Variants in SETD7 observed in about 807,000 individuals in gnomAD.
The protein encoded by SETD7 is SET domain containing 7, histone lysine methyltransferase.
A neutral mutation model predicts 41.8 loss-of-function variants in SETD7; 16 were observed. That is an observed-to-expected ratio of 0.38 (90% confidence interval 0.26 to 0.58). The LOEUF (loss-of-function observed/expected upper bound fraction) is 0.58. Among genes scored for constraint, SETD7 ranks in the 20% least tolerant of loss-of-function variants. The pLI is 0.64. For missense variants in SETD7, 346 were observed against 459.7 expected (o/e 0.75, Z 2.26); for synonymous variants, 163 against 169.7 (o/e 0.96, Z 0.31).
At position 139,518,072 on chromosome 4, in the gene SETD7, G is replaced by A. The variant is rs573334387; in HGVS notation, c.763-30C>T. The A allele has an allele frequency of 2.4e-4, 385 of 1,599,716 alleles. 2 individuals carry two copies. In the South Asian group the frequency reaches 4.1e-3, roughly 17 times the overall value. On this transcript the variant is annotated intron_variant, in intron 6 of 7. Coordinates refer to ENST00000274031, the MANE Select transcript of SETD7 (RefSeq NM_030648.4). ...AGAAAACAAGAAAGCGAGCCTTAGA[G>A]AGGACCTTTCTCCCCAAAGGTCAAA... is the stretch of plus-strand genomic sequence containing the variant.
downstream of SETD7, among the ~76,000 whole-genome samples, chr4:139,505,815 T>A (rs1339592636): frequency 6.6e-6 from 1 of 152,210 alleles, no homozygotes; most frequent in East Asian, 1.9e-4. Flanking sequence ...TCCGACACTT[T>A]CTGTTGGTGT....
At chr4:139,533,740 G>A (rs1486431335) in intron 2 of SETD7, among the ~76,000 whole-genome samples, 1 of 152,234 alleles carries the variant, frequency 6.6e-6, no homozygotes, top group Non-Finnish European at 1.5e-5. Flanking sequence ...TCCCTCAAGA[G>A]TGCTCCAGAA....
At chr4:139,497,735 G>A (rs1726492530) in intron 7 of SETD7, among the ~76,000 whole-genome samples, 1 of 151,726 alleles carries the variant, frequency 6.6e-6, no homozygotes, top group Non-Finnish European at 1.5e-5. Flanking sequence ...GATTACAGGC[G>A]GCGCCTGCCA....
In SETD7 at chr4:139,509,860, G is replaced by A; in HGVS notation, c.*1803C>T. On this transcript the variant is annotated 3_prime_UTR_variant, in exon 8 of 8. Coordinates refer to ENST00000274031, the MANE Select transcript of SETD7 (RefSeq NM_030648.4). ...AAGCACTGACAACTTCCTCTCATGG[G>A]TGAACCATTGGCTTAAGCTTTCAAG... is the stretch of plus-strand genomic sequence containing the variant. 1.0e-6 allele frequency: 1 copy of A among 985,434 alleles called. No individual in the cohort carries two copies. Among genetic ancestry groups the A allele is most frequent in the Non-Finnish European group, 1.2e-6 (1 of 829,948 alleles). The allele number at this position is 985,434 out of a possible 1,614,324, so 61.0% of individuals were successfully genotyped here.
At position 139,517,889 on chromosome 4, in the gene SETD7, C is replaced by G. The variant is rs755336121; in HGVS notation, c.916G>C (p.Asp306His). Reference protein sequence around the residue: ...NHSFTPNCIYDMFVHPRFGPI... With the variant: ...NHSFTPNCIYHMFVHPRFGPI... Reference sequence around the variant, plus strand: ...GCAGCTCTGGGTAATACTTACATATCGTAGATGCAGTTTGGAGTGAAGGAG... The same window carrying G: ...GCAGCTCTGGGTAATACTTACATATGGTAGATGCAGTTTGGAGTGAAGGAG... The change falls in exon 7 of 8, where the codon GAT becomes CAT. Residue 306 changes from aspartate to histidine, a missense_variant. By Grantham distance (81) the Asp-to-His change is moderately conservative. Transcript: ENST00000274031. 2 of 1,612,808 alleles carry G rather than the reference C, an allele frequency of 1.2e-6. No individual in the cohort carries two copies. Among genetic ancestry groups the G allele is most frequent in the Admixed American group, 1.7e-5 (1 of 59,926 alleles).
At chr4:139,538,817 G>A (rs144763981) in intron 2 of SETD7, among the ~76,000 whole-genome samples, 2 of 152,092 alleles carry the variant, frequency 1.3e-5, no homozygotes, top group African/African-American at 4.8e-5. Flanking sequence ...GATTTTCCTG[G>A]TACCATCATC....
chr4:139,534,994 T>C (rs967907647), intron 2 of SETD7, among the ~76,000 whole-genome samples: 4 of 152,252 alleles, frequency 2.6e-5, no homozygotes. Flanking sequence ...TTATTTGTAC[T>C]ATCAATGACA....
chr4:139,528,893 GTT>G (rs1016096414), intron 4 of SETD7, 136 bp downstream of exon 4: 20 of 715,238 alleles, frequency 2.8e-5, no homozygotes, highest in Non-Finnish European at 4.7e-5. Flanking sequence ...TGCAGTGTCT[GTT>G]ATGCAATAAA....
chr4:139,500,512 T>C (rs1345259498), intron 7 of SETD7, among the ~76,000 whole-genome samples: 1 of 152,192 alleles, frequency 6.6e-6, no homozygotes, highest in African/African-American at 2.4e-5. Flanking sequence ...TTTTGTTTGT[T>C]TGTTTTGTTT....
chr4:139,496,377 G>A (rs1041388996), exon 8 of SETD7: 2 of 702,078 alleles, frequency 2.8e-6, no homozygotes, highest in African/African-American at 1.7e-5. Flanking sequence ...ACATCATTAT[G>A]AGCATCAGTC....
In SETD7 at chr4:139,555,910, C is replaced by A. The variant is rs1422710543; in HGVS notation, c.40+188G>T. Among the ~76,000 whole-genome samples the A allele has an allele frequency of 6.6e-6, 1 of 151,962 alleles. No individual in the cohort carries two copies. The highest frequency in any genetic ancestry group is 1.5e-5 in the Non-Finnish European group (1 of 67,946). Reference sequence around the variant, plus strand: ...GCCCCATTCTCGGCCTGCGCCCCGCCGCGCAGTGCGCGCTCCCGGCGGCGT... The same window carrying A: ...GCCCCATTCTCGGCCTGCGCCCCGCAGCGCAGTGCGCGCTCCCGGCGGCGT... On this transcript the variant is annotated intron_variant, in intron 1 of 7. Transcript: ENST00000274031. This position sits in a 1 kb window ranked among gnomAD's most constrained non-coding sequence, Gnocchi z 4.0.
At chr4:139,537,659 T>C (rs1727675554) in intron 2 of SETD7, among the ~76,000 whole-genome samples, 1 of 152,206 alleles carries the variant, frequency 6.6e-6, no homozygotes, top group Non-Finnish European at 1.5e-5. Context: ...TGCATCCACG[T>C]ATCCCCCCAA....
chr4:139,550,625 T>C (rs566243223), intron 1 of SETD7, among the ~76,000 whole-genome samples: 3 of 152,334 alleles, frequency 2.0e-5, no homozygotes, highest in African/African-American at 7.2e-5. Flanking sequence ...TTACATCTTC[T>C]TTCAACATTA....
In SETD7 at chr4:139,506,984, C is replaced by A. The variant is rs1045469361; in HGVS notation, c.*4679G>T. On this transcript the variant is annotated 3_prime_UTR_variant, in exon 8 of 8. Transcript: ENST00000274031. ...CTGTGCTGAGAAATGGGCCCCTTGC[C>A]AGATGCTCCCCTCTCCTTCCTCTCT... 1 of 152,688 alleles carries A rather than the reference C, an allele frequency of 6.5e-6. No individual in the cohort carries two copies. The highest frequency in any genetic ancestry group is 6.5e-5 in the Admixed American group (1 of 15,282). 9.5% of individuals were successfully genotyped at this position (152,688 alleles called of 1,614,324 possible).
intron 2 of SETD7, among the ~76,000 whole-genome samples, chr4:139,538,749 C>T (rs1280742154): frequency 6.6e-6 from 1 of 151,908 alleles, no homozygotes; most frequent in Non-Finnish European, 1.5e-5. Flanking sequence ...TTCCTTTCAA[C>T]ATCTTGGCAA....
chr4:139,501,083 C>T (rs1397930197), downstream of SETD7, among the ~76,000 whole-genome samples: 1 of 152,184 alleles, frequency 6.6e-6, no homozygotes, highest in Non-Finnish European at 1.5e-5. Flanking sequence ...GCCCTGCACA[C>T]CTCCTCACCC....
intron 1 of SETD7, among the ~76,000 whole-genome samples, chr4:139,549,871 G>A (rs1357253643): frequency 6.6e-6 from 1 of 152,018 alleles, no homozygotes; most frequent in Non-Finnish European, 1.5e-5. Flanking sequence ...TCCGCCTCCC[G>A]GGTGCAAGCA....
chr4:139,518,065 C>G, intron 6 of SETD7, 23 bp from the exon 7 acceptor site: 5 of 1,603,770 alleles, frequency 3.1e-6, no homozygotes, highest in Non-Finnish European at 2.6e-6. Context: ...AGAAAGCGAG[C>G]CTTAGAGAGG....
At chr4:139,520,805 T>TATAACTAA in intron 5 of SETD7, among the ~76,000 whole-genome samples, 2 of 152,356 alleles carry the variant, frequency 1.3e-5, no homozygotes, top group Middle Eastern at 6.8e-3. Context: ...GAAAGGAGGC[T>TATAACTAA]GTTTTAGTTA....
Sources: allele counts gnomAD v4.1 joint callset (sites outside exome capture counted in the v4.1 genomes callset), GRCh38; gene constraint gnomAD v4.1.1; non-coding constraint Gnocchi (gnomAD v3.1); transcripts MANE v1.5; gene names NCBI Gene and HGNC (gene_info 2026-07-23, HGNC 2026-07-21).